DLG2: variants seen among roughly 807,000 people sequenced by gnomAD.
DLG2 encodes the protein disks large homolog 2.
Under a neutral mutation model 132.5 loss-of-function variants are expected in DLG2, and 45 were observed. That is an observed-to-expected ratio of 0.34 (90% confidence interval 0.27 to 0.44). The LOEUF (loss-of-function observed/expected upper bound fraction) is 0.44. Ranked by LOEUF, DLG2 falls within the 20% of genes least tolerant of loss-of-function variation. The pLI, the probability that DLG2 is intolerant of heterozygous loss-of-function variation, is 1.00. For missense variants in DLG2, 1,045 were observed against 1,196.9 expected (o/e 0.87, Z 1.87); for synonymous variants, 424 against 419.6 (o/e 1.01, Z -0.13).
intron 3 of DLG2, among the ~76,000 whole-genome samples, chr11:85,434,127 G>GA (rs1037122716): frequency 2.6e-5 from 4 of 151,164 alleles, no homozygotes; most frequent in Non-Finnish European, 4.4e-5. Context: ...GAAACCAATG[G>GA]AAAAAAAAGA....
At chr11:84,268,096 A>G (rs1470356458) in intron 7 of DLG2, among the ~76,000 whole-genome samples, 1 of 152,166 alleles carries the variant, frequency 6.6e-6, no homozygotes, top group Non-Finnish European at 1.5e-5. Context: ...CTCTCATTTC[A>G]TACTGCTCTT....
chr11:84,817,406 CATATT>C (rs1316692266), intron 6 of DLG2, among the ~76,000 whole-genome samples: 1 of 151,912 alleles, frequency 6.6e-6, no homozygotes, highest in Non-Finnish European at 1.5e-5. Flanking sequence ...AGTAAGGACT[CATATT>C]ATGTTGTTGT....
At chr11:84,956,402 A>C (rs1157495497) in intron 6 of DLG2, among the ~76,000 whole-genome samples, 1 of 152,220 alleles carries the variant, frequency 6.6e-6, no homozygotes, top group Admixed American at 6.5e-5. Context: ...AATTATTCAC[A>C]GTCCTGCCAC....
At chr11:83,951,783 A>G (rs536671557) in intron 14 of DLG2, among the ~76,000 whole-genome samples, 1 of 152,314 alleles carries the variant, frequency 6.6e-6, no homozygotes, top group East Asian at 1.9e-4. Flanking sequence ...ATCTGAATTT[A>G]AAAGAGTAAT....
chr11:84,884,697 G>A, intron 6 of DLG2, among the ~76,000 whole-genome samples: 1 of 151,962 alleles, frequency 6.6e-6, no homozygotes, highest in South Asian at 2.1e-4. Context: ...TCAACCACTA[G>A]TATATTTTAT....
chr11:85,250,007 G>T (rs892506107), intron 4 of DLG2, among the ~76,000 whole-genome samples: 8 of 152,162 alleles, frequency 5.3e-5, no homozygotes, highest in Non-Finnish European at 7.4e-5. Flanking sequence ...GTAAGGCAGA[G>T]ATTTCATGCT....
rs73518995 is a variant in DLG2 at position 84,945,555 on chromosome 11, A to G, written c.357+166106T>C. The stretch of plus-strand genomic sequence containing the variant: ...GTCTCGCCCAAGACCCATGTCAATC[A>G]CTGACTGGTTACCACCGATGTTCCC... On this transcript the variant is annotated intron_variant, in intron 6 of 27. Transcript: ENST00000376104. 2.6e-3 allele frequency among the ~76,000 whole-genome samples: 389 copies of G among 152,268 alleles called. 1 individual carries two copies. The highest frequency in any genetic ancestry group is 9.0e-3 in the African/African-American group (375 of 41,570).
At chr11:83,700,078 T>A (rs1011309612) in intron 18 of DLG2, among the ~76,000 whole-genome samples, 2 of 151,780 alleles carry the variant, frequency 1.3e-5, no homozygotes, top group African/African-American at 4.8e-5. Flanking sequence ...AAGTTTTCAA[T>A]AAATACCTTA....
intron 6 of DLG2, among the ~76,000 whole-genome samples, chr11:84,750,420 T>A (rs1447021194): frequency 1.3e-5 from 2 of 152,158 alleles, no homozygotes; most frequent in South Asian, 4.1e-4. Flanking sequence ...ATACCACAAC[T>A]TTGTTAAGAT....
chr11:85,020,342 C>A (rs1205312991), intron 6 of DLG2, among the ~76,000 whole-genome samples: 1 of 152,028 alleles, frequency 6.6e-6, no homozygotes, highest in Non-Finnish European at 1.5e-5. Context: ...TGTTTAAGTT[C>A]TTTGTAGATT....
At chr11:85,034,115 T>C (rs1400102574) in intron 6 of DLG2, among the ~76,000 whole-genome samples, 1 of 151,514 alleles carries the variant, frequency 6.6e-6, no homozygotes, top group African/African-American at 2.4e-5. Flanking sequence ...TCTTACTCTG[T>C]TACCCAGGCT....
chr11:85,468,229 G>A (rs890927260), intron 3 of DLG2, among the ~76,000 whole-genome samples: 3 of 151,746 alleles, frequency 2.0e-5, no homozygotes, highest in African/African-American at 7.3e-5. Context: ...TTGCTAGCAG[G>A]CTATCAATTT....
intron 6 of DLG2, among the ~76,000 whole-genome samples, chr11:84,845,545 T>A (rs2081348643): frequency 6.6e-6 from 1 of 152,146 alleles, no homozygotes; most frequent in African/African-American, 2.4e-5. Flanking sequence ...TCTATGTCCT[T>A]ATCTTATAGA....
chr11:83,659,320 G>A (rs1368052255), intron 18 of DLG2, among the ~76,000 whole-genome samples: 2 of 152,004 alleles, frequency 1.3e-5, no homozygotes, highest in Admixed American at 6.6e-5. Context: ...AGAGATTGAG[G>A]GAGAGAGAGA....
intron 18 of DLG2, among the ~76,000 whole-genome samples, chr11:83,658,213 A>G (rs1383159838): frequency 1.3e-5 from 2 of 152,334 alleles, no homozygotes; most frequent in African/African-American, 4.8e-5. Context: ...GATACTTTCT[A>G]TATCTAATGG....
chr11:84,267,231 ATAGAT>A (rs67900814), intron 7 of DLG2, among the ~76,000 whole-genome samples: 84,655 of 151,468 alleles, frequency 0.56, 24,034 homozygotes, highest in Middle Eastern at 0.67. Context: ...GTACAAAAGT[ATAGAT>A]TAAAGTAGTT....
chr11:85,086,006 A>C (rs2154173833), intron 6 of DLG2, among the ~76,000 whole-genome samples: 1 of 152,278 alleles, frequency 6.6e-6, no homozygotes, highest in Non-Finnish European at 1.5e-5. Context: ...TCTCTAGTTC[A>C]TAATGTCTTT....
chr11:83,478,892 A>G (rs1038325308), intron 22 of DLG2, among the ~76,000 whole-genome samples: 2 of 151,992 alleles, frequency 1.3e-5, no homozygotes, highest in African/African-American at 2.4e-5. Context: ...GCTTTGGTCA[A>G]TTCTTCTTGG....
At chr11:84,855,905 T>C (rs1310940537) in intron 6 of DLG2, among the ~76,000 whole-genome samples, 1 of 152,022 alleles carries the variant, frequency 6.6e-6, no homozygotes, top group East Asian at 1.9e-4. Flanking sequence ...GGAAATTTCA[T>C]AGAACCACAG....
Sources: gnomAD v4.1 joint callset for allele counts (sites outside exome capture counted in the v4.1 genomes callset) on GRCh38, gnomAD v4.1.1 for gene constraint, MANE v1.5 for transcripts, NCBI Gene and HGNC (gene_info 2026-07-23, HGNC 2026-07-21) for gene names.